Variants in ZNF423 observed in about 807,000 individuals in gnomAD.
The protein encoded by ZNF423 is Ebf-associated zinc finger protein.
In ZNF423, 12 loss-of-function variants were observed where a neutral mutation model predicts 95.8. The ratio of observed to expected loss-of-function variants is 0.13; its 90% CI spans 0.08 to 0.20. ZNF423 has a LOEUF of 0.20. Ranked by LOEUF, ZNF423 falls within the 10% of genes least tolerant of loss-of-function variation. ZNF423 has a pLI of 1.00. For synonymous variants in ZNF423, 749 were observed against 711.9 expected (o/e 1.05, Z -0.83); for missense variants, 1,316 against 1,737.1 (o/e 0.76, Z 4.31).
At chr16:49,821,113 G>A (rs930100304) in intron 1 of ZNF423, among the ~76,000 whole-genome samples, 1 of 152,108 alleles carries the variant, frequency 6.6e-6, no homozygotes, top group African/African-American at 2.4e-5. Context: ...CACTTTTGGA[G>A]ATTTTATAGC....
chr16:49,804,523 G>A (rs986955545), intron 1 of ZNF423, among the ~76,000 whole-genome samples: 1 of 152,110 alleles, frequency 6.6e-6, no homozygotes, highest in Admixed American at 6.5e-5. Context: ...CTGGGAACAG[G>A]CCCAGGGCTT....
chr16:49,757,632 C>T (rs926701909), intron 2 of ZNF423, among the ~76,000 whole-genome samples: 6 of 152,314 alleles, frequency 3.9e-5, no homozygotes, highest in South Asian at 2.1e-4. Flanking sequence ...AAGCCAGACA[C>T]GTGACCACCT....
At chr16:49,842,294 GAGGGGAGGGGAGGCGAGGGA>G (rs2035192615) in intron 1 of ZNF423, among the ~76,000 whole-genome samples, 1 of 49,728 alleles carries the variant, frequency 2.0e-5, no homozygotes, top group Admixed American at 1.9e-4. Flanking sequence ...GAGGGGAGGG[GAGGGGAGGGGAGGCGAGGGA>G]AGGGAAGGGA....
rs199911287 is a variant in ZNF423 at position 49,638,699 on chromosome 16, G to A, written c.477C>T (p.Ser159=). The part of the protein sequence containing the change: ...QFCDKSFIRL[S]YLKRHEQIHS... ...GGATCTGCTCGTGCCTCTTCAAGTA[G>A]CTCAAGCGGATGAAGGACTTGTCGC... The change falls in exon 4 of 8, where the codon AGC becomes AGT. Residue 159 remains serine, a synonymous_variant. Transcript: ENST00000563137. This position sits in a 1 kb window ranked among gnomAD's most constrained non-coding sequence, Gnocchi z 5.6. The A allele has an allele frequency of 1.9e-6, 3 of 1,614,068 alleles. No individual in the cohort carries two copies. The highest frequency in any genetic ancestry group is 2.7e-5 in the African/African-American group (2 of 74,938).
At chr16:49,752,464 T>C (rs1203008711) in intron 2 of ZNF423, among the ~76,000 whole-genome samples, 1 of 152,056 alleles carries the variant, frequency 6.6e-6, no homozygotes, top group Non-Finnish European at 1.5e-5. Flanking sequence ...CATAGCAACA[T>C]CACCAGAGAA....
intron 3 of ZNF423, among the ~76,000 whole-genome samples, chr16:49,720,725 A>C (rs1253208450): frequency 6.6e-6 from 1 of 152,148 alleles, no homozygotes; most frequent in Admixed American, 6.5e-5. Context: ...ATTTCATTGC[A>C]CTCTTTTACT....
At chr16:49,776,775 A>C (rs1254962488) in intron 2 of ZNF423, among the ~76,000 whole-genome samples, 1 of 152,218 alleles carries the variant, frequency 6.6e-6, no homozygotes, top group Non-Finnish European at 1.5e-5. Context: ...AGGGGTGCAA[A>C]TCTTTGGATG....
In ZNF423 at chr16:49,552,981, G is replaced by A. The variant is rs1969697496; in HGVS notation, c.3602-27487C>T. 2.6e-5 allele frequency among the ~76,000 whole-genome samples: 4 copies of A among 152,150 alleles called. No individual in the cohort carries two copies. The South Asian group carries it at 8.3e-4, about 32-fold the overall frequency. On this transcript the variant is annotated intron_variant, in intron 5 of 7. Coordinates refer to ENST00000563137, the MANE Select transcript of ZNF423 (RefSeq NM_001379286.1). ...GAACAAACAGGAGGCCCAGGGCAGA[G>A]TCACCAGCAGGGCTATTCTGGGCTG...
intron 1 of ZNF423, among the ~76,000 whole-genome samples, chr16:49,799,313 C>T (rs575371311): frequency 2.0e-5 from 3 of 152,154 alleles, no homozygotes; most frequent in Admixed American, 6.5e-5. Flanking sequence ...CCCCTTCTCC[C>T]GCCAGGTTCC....
intron 3 of ZNF423, among the ~76,000 whole-genome samples, chr16:49,727,292 T>A (rs1596930275): frequency 6.6e-6 from 1 of 152,174 alleles, no homozygotes; most frequent in East Asian, 1.9e-4. Flanking sequence ...AGCTCCCAAC[T>A]GGAAATGAAG....
At chr16:49,657,715 C>T (rs774153504) in intron 3 of ZNF423, among the ~76,000 whole-genome samples, 7 of 152,252 alleles carry the variant, frequency 4.6e-5, no homozygotes, top group East Asian at 3.9e-4. Context: ...CTTTCCCTGG[C>T]CCTGTCTCCT....
intron 2 of ZNF423, among the ~76,000 whole-genome samples, chr16:49,736,752 A>C (rs2033295916): frequency 1.3e-5 from 2 of 152,170 alleles, no homozygotes. Flanking sequence ...CCGTGTTCGC[A>C]CCACTGCACT....
rs556329179 is a variant in ZNF423 at position 49,489,164 on chromosome 16, C to G, written c.*2111G>C. The G allele has an allele frequency of 2.0e-4, 30 of 152,412 alleles. No individual in the cohort carries two copies. The highest frequency in any genetic ancestry group is 6.7e-4 in the African/African-American group (28 of 41,576). The allele number at this position is 152,412 out of a possible 1,614,324, so 9.4% of individuals were successfully genotyped here. On this transcript the variant is annotated 3_prime_UTR_variant, in exon 8 of 8. Coordinates refer to ENST00000563137, the MANE Select transcript of ZNF423 (RefSeq NM_001379286.1). ...ATCTTCTATTGGTAGTTACTGAGGG[C>G]TCACCTGGGCTCCATGGGGTTTGGG...
intron 1 of ZNF423, among the ~76,000 whole-genome samples, chr16:49,823,211 T>C (rs2034966704): frequency 6.6e-6 from 1 of 152,240 alleles, no homozygotes; most frequent in South Asian, 2.1e-4. Flanking sequence ...GGCCTGCTGG[T>C]CGGCTGGCAT....
chr16:49,721,012 G>A (rs2032849666), intron 3 of ZNF423, among the ~76,000 whole-genome samples: 1 of 152,244 alleles, frequency 6.6e-6, no homozygotes, highest in Admixed American at 6.5e-5. Flanking sequence ...CATTGTCACT[G>A]CTGAGTCGAA....
At chr16:49,713,313 G>T (rs142145712) in intron 3 of ZNF423, among the ~76,000 whole-genome samples, 63 of 152,238 alleles carry the variant, frequency 4.1e-4, no homozygotes, top group Non-Finnish European at 3.8e-4. Flanking sequence ...TTGCTCATCC[G>T]CAGGATCTAA....
chr16:49,680,410 A>G (rs2031300245), intron 3 of ZNF423, among the ~76,000 whole-genome samples: 1 of 152,204 alleles, frequency 6.6e-6, no homozygotes, highest in Non-Finnish European at 1.5e-5. Context: ...GAATGGCAGG[A>G]CGGAAAGAGC....
intron 2 of ZNF423, among the ~76,000 whole-genome samples, chr16:49,741,546 C>T (rs118075801): frequency 5.3e-5 from 8 of 152,090 alleles, no homozygotes; most frequent in Admixed American, 3.9e-4. Context: ...ATCCACCGTT[C>T]TCTATAAAAT....
intron 1 of ZNF423, among the ~76,000 whole-genome samples, chr16:49,819,589 C>T (rs979445649): frequency 6.6e-6 from 1 of 152,070 alleles, no homozygotes; most frequent in Non-Finnish European, 1.5e-5. Flanking sequence ...GCTGGGATTA[C>T]AGGCACCCAC....
Sources: gnomAD v4.1 joint callset for allele counts (sites outside exome capture counted in the v4.1 genomes callset) on GRCh38, gnomAD v4.1.1 for gene constraint, Gnocchi (gnomAD v3.1) non-coding constraint, MANE v1.5 for transcripts, NCBI Gene and HGNC (gene_info 2026-07-23, HGNC 2026-07-21) for gene names.